Variants in ZIM2 observed in about 807,000 individuals in gnomAD.
ZIM2 encodes zinc finger protein 656.
In ZIM2, 14 loss-of-function variants were observed where a neutral mutation model predicts 38.6. That is an observed-to-expected ratio of 0.36 (90% CI 0.24 to 0.57). ZIM2 has a LOEUF of 0.57. ZIM2 is among the 20% of genes least tolerant of loss of function. The pLI is 0.81. For missense variants in ZIM2, 680 were observed against 695.1 expected (o/e 0.98, Z 0.24); for synonymous variants, 247 against 245.8 (o/e 1.00, Z -0.04).
intron 1 of ZIM2, among the ~76,000 whole-genome samples, chr19:56,837,920 C>G (rs2062370233): frequency 6.6e-6 from 1 of 152,232 alleles, no homozygotes; most frequent in South Asian, 2.1e-4. Flanking sequence ...TGCCTCCGCA[C>G]TGCACCCGCC....
chr19:56,839,572 T>C (rs2062719945), intron 1 of ZIM2, among the ~76,000 whole-genome samples: 1 of 148,926 alleles, frequency 6.7e-6, no homozygotes, highest in Admixed American at 6.7e-5. Context: ...GGGGCCTGAG[T>C]GGATAGTTAC....
At chr19:56,805,641 G>C (rs1385710406) in intron 9 of ZIM2, among the ~76,000 whole-genome samples, 1 of 152,154 alleles carries the variant, frequency 6.6e-6, no homozygotes, top group East Asian at 1.9e-4. Flanking sequence ...GTCCTGAAAG[G>C]ACACAGAATC....
intron 10 of ZIM2, among the ~76,000 whole-genome samples, chr19:56,788,477 ACT>A (rs2046749215): frequency 6.6e-6 from 1 of 151,648 alleles, no homozygotes; most frequent in African/African-American, 2.4e-5. Flanking sequence ...ATTGACCTCC[ACT>A]CTCTTCTGGC....
At chr19:56,790,687 G>A (rs1017416157) in intron 9 of ZIM2, among the ~76,000 whole-genome samples, 1 of 152,116 alleles carries the variant, frequency 6.6e-6, no homozygotes, top group Non-Finnish European at 1.5e-5. Context: ...ATATCGTACT[G>A]TGCCTAATTA....
intron 10 of ZIM2, among the ~76,000 whole-genome samples, chr19:56,788,356 G>A (rs566147483): frequency 3.9e-5 from 6 of 152,170 alleles, no homozygotes; most frequent in Admixed American, 1.3e-4. Flanking sequence ...CCTTAATTTC[G>A]TTATTTACTG....
chr19:56,838,020 C>T (rs1005539916), intron 1 of ZIM2, among the ~76,000 whole-genome samples: 1 of 152,216 alleles, frequency 6.6e-6, no homozygotes, highest in Non-Finnish European at 1.5e-5. Flanking sequence ...CCCTCAGAAC[C>T]GCACCTGCAG....
intron 11 of ZIM2, among the ~76,000 whole-genome samples, chr19:56,781,731 A>T (rs1389128516): frequency 6.6e-6 from 1 of 152,224 alleles, no homozygotes; most frequent in East Asian, 1.9e-4. Flanking sequence ...GAAATATGCT[A>T]AACACTTACA....
intron 9 of ZIM2, chr19:56,812,574 G>T: frequency 1.0e-6 from 1 of 985,762 alleles, no homozygotes. Flanking sequence ...CTGCACAGGG[G>T]ACCCAAGCCA....
chr19:56,808,814 G>A (rs905540439), intron 9 of ZIM2, among the ~76,000 whole-genome samples: 7 of 152,186 alleles, frequency 4.6e-5, no homozygotes, highest in African/African-American at 1.7e-4. Context: ...GGGTGGATGA[G>A]GCACCAGGAA....
At chr19:56,805,250 C>T (rs2047700814) in intron 9 of ZIM2, among the ~76,000 whole-genome samples, 1 of 152,160 alleles carries the variant, frequency 6.6e-6, no homozygotes, top group Admixed American at 6.5e-5. Flanking sequence ...GCCACATGTC[C>T]CCTGGAGGGC....
At chr19:56,818,263 A>G (rs1211372718) in intron 8 of ZIM2, among the ~76,000 whole-genome samples, 1 of 152,172 alleles carries the variant, frequency 6.6e-6, no homozygotes, top group Non-Finnish European at 1.5e-5. Context: ...GATGTCTTCC[A>G]GGAAAGTCCA....
At position 56,823,650 on chromosome 19, in the gene ZIM2, C is replaced by T. The variant is rs754206051; in HGVS notation, c.46G>A (p.Asp16Asn). 3.0e-5 allele frequency: 48 copies of T among 1,613,968 alleles called. 1 individual carries two copies. The highest frequency in any genetic ancestry group is 1.6e-4 in the Middle Eastern group (1 of 6,084). ...TCTCTTCTGTTCCGGGTCATGTCGTCGTCGCTGGTCACGTCACTGTTGTTG... is the reference window on the plus strand; with the variant it reads ...TCTCTTCTGTTCCGGGTCATGTCGTTGTCGCTGGTCACGTCACTGTTGTTG... ...DDNNSDVTSD[D>N]DMTRNRRESS... The change falls in exon 5 of 13, where the codon GAC (aspartate) becomes AAC (asparagine). Residue 16 changes from aspartate to asparagine, a missense_variant. Asp to Asn is a conservative substitution (Grantham distance 23). Coordinates refer to ENST00000629319, the MANE Select transcript of ZIM2 (RefSeq NM_001387356.1).
chr19:56,814,279 T>C lies in ZIM2; in HGVS notation c.490+3467A>G. 1 of 1,613,224 alleles carries C rather than the reference T, an allele frequency of 6.2e-7. No homozygotes were observed. Among genetic ancestry groups the C allele is most frequent in the Admixed American group, 1.7e-5 (1 of 59,982 alleles). On this transcript the variant is annotated intron_variant, in intron 9 of 12. Transcript: ENST00000629319. The surrounding 1 kb of genome is among the most constrained non-coding windows in gnomAD (Gnocchi z 5.8). ...CTCAGCAGCCTCTACGTTTAAGCCC[T>C]GAATCCTCAGAACTACTTGTGGAAC...
intron 7 of ZIM2, among the ~76,000 whole-genome samples, chr19:56,819,490 AGTCATG>A (rs1436214557): frequency 2.0e-5 from 3 of 152,158 alleles, no homozygotes; most frequent in Non-Finnish European, 4.4e-5. Context: ...GGTTTCAGGG[AGTCATG>A]GTCCCAGGAA....
chr19:56,810,726 A>G, intron 9 of ZIM2: 1 of 984,244 alleles, frequency 1.0e-6, no homozygotes. Flanking sequence ...TTATGCACAC[A>G]TATTTAACAC....
intron 9 of ZIM2, among the ~76,000 whole-genome samples, chr19:56,806,285 G>T (rs916567313): frequency 1.3e-5 from 2 of 152,290 alleles, no homozygotes. Flanking sequence ...GTAAAAGCCT[G>T]GATAGGTAGT....
intron 9 of ZIM2, among the ~76,000 whole-genome samples, chr19:56,792,530 CAA>C (rs1215431208): frequency 6.3e-3 from 131 of 20,946 alleles, no homozygotes; most frequent in African/African-American, 0.015. Flanking sequence ...GACTCTGTCT[CAA>C]AAAAAAAAAA....
At chr19:56,780,271 C>A (rs2046260697) in intron 11 of ZIM2, among the ~76,000 whole-genome samples, 1 of 135,552 alleles carries the variant, frequency 7.4e-6, no homozygotes, top group Non-Finnish European at 1.5e-5. Flanking sequence ...GAGACAGAGT[C>A]TCACTCTGTC....
chr19:56,805,785 G>A (rs2047729904), intron 9 of ZIM2, among the ~76,000 whole-genome samples: 1 of 152,174 alleles, frequency 6.6e-6, no homozygotes, highest in East Asian at 1.9e-4. Context: ...CAGATTAAAG[G>A]AGGCTACTTT....
Sources: gnomAD v4.1 joint callset for allele counts (sites outside exome capture counted in the v4.1 genomes callset) on GRCh38, gnomAD v4.1.1 for gene constraint, Gnocchi (gnomAD v3.1) non-coding constraint, MANE v1.5 for transcripts, NCBI Gene and HGNC (gene_info 2026-07-23, HGNC 2026-07-21) for gene names.